WNT5A: variants seen among roughly 807,000 people sequenced by gnomAD.
The protein encoded by WNT5A is protein Wnt-5a.
Under a neutral mutation model 42.1 loss-of-function variants are expected in WNT5A, and 9 were observed. That is an observed-to-expected ratio of 0.21 (90% CI 0.13 to 0.37). The LOEUF (loss-of-function observed/expected upper bound fraction) is 0.37, where lower values mean the gene tolerates loss of function less well. WNT5A is among the 10% of genes least tolerant of loss of function. The probability of loss-of-function intolerance (pLI) is 1.00; values close to 1 mark genes in which losing one functional copy is unlikely to be tolerated. For missense variants in WNT5A, 426 were observed against 534.0 expected (o/e 0.80, Z 1.99); for synonymous variants, 210 against 210.0 (o/e 1.00, Z 0.00).
intron 4 of WNT5A, among the ~76,000 whole-genome samples, chr3:55,473,264 C>G (rs1039477485): frequency 2.0e-5 from 3 of 152,180 alleles, no homozygotes; most frequent in African/African-American, 7.2e-5. Flanking sequence ...GTCCAGTCCT[C>G]TACAGTTTAC....
intron 1 of WNT5A, among the ~76,000 whole-genome samples, chr3:55,486,096 C>G (rs1358298808): frequency 1.3e-5 from 2 of 152,168 alleles, no homozygotes; most frequent in African/African-American, 4.8e-5. Flanking sequence ...GTGTGTGATT[C>G]GGCTTTAACA....
At chr3:55,489,060 T>C (rs911795687), upstream of WNT5A, 1 of 152,000 alleles carries the variant, frequency 6.6e-6, no homozygotes, top group East Asian at 1.9e-4. Context: ...TGCCCTCAGG[T>C]GAGGAGATTG....
At chr3:55,485,421 G>T (rs1017098898) in intron 1 of WNT5A, among the ~76,000 whole-genome samples, 1 of 152,068 alleles carries the variant, frequency 6.6e-6, no homozygotes, top group African/African-American at 2.4e-5. Context: ...AGGGTCTTCC[G>T]TTGAGAGGGT....
chr3:55,493,798 A>C (rs1453098596), upstream of WNT5A: 4 of 152,248 alleles, frequency 2.6e-5, no homozygotes, highest in Non-Finnish European at 5.9e-5. Flanking sequence ...CTGGTTTCCC[A>C]TATGTGTCCC....
rs2051511323 is a variant in WNT5A, at chr3:55,483,580, A to G, written c.7-2662T>C. 6.6e-6 allele frequency among the ~76,000 whole-genome samples: 1 copy of G among 152,152 alleles called. No homozygotes were observed. Among genetic ancestry groups the G allele is most frequent in the Non-Finnish European group, 1.5e-5 (1 of 68,030 alleles). ...AAGAAGGGGCTAAATGTTTTCCAAC[A>G]CTTTCGGGGCTCAGGGAAGATGACT... On this transcript the variant is annotated intron_variant, in intron 1 of 4. Transcript: ENST00000264634. The surrounding 1 kb of genome is among the most constrained non-coding windows in gnomAD (Gnocchi z 4.2).
At chr3:55,486,951 A>C in intron 1 of WNT5A, 29 bp downstream of exon 1, 2 of 1,604,508 alleles carry the variant, frequency 1.2e-6, no homozygotes, top group South Asian at 2.2e-5. Context: ...GAAGTAAAGA[A>C]AAAAAGTGGC....
upstream of WNT5A, chr3:55,493,766 C>G (rs1044316696): frequency 6.6e-6 from 1 of 152,242 alleles, no homozygotes; most frequent in Non-Finnish European, 1.5e-5. Flanking sequence ...AAAAACAAAA[C>G]TATTTTTTAG....
upstream of WNT5A, among the ~76,000 whole-genome samples, chr3:55,491,731 A>G (rs1047110779): frequency 3.9e-5 from 6 of 152,230 alleles, no homozygotes; most frequent in Non-Finnish European, 7.3e-5. Context: ...TTTGTCAAGA[A>G]AGCCTGGAGG....
chr3:55,482,118 C>A (rs533096910), intron 1 of WNT5A, among the ~76,000 whole-genome samples: 2 of 152,304 alleles, frequency 1.3e-5, no homozygotes, highest in South Asian at 4.1e-4. Flanking sequence ...CGGGGCGAGG[C>A]CAGAGCCCTT....
chr3:55,496,709 C>A, the WNT5A span, among the ~76,000 whole-genome samples: 1 of 152,182 alleles, frequency 6.6e-6, no homozygotes, highest in Non-Finnish European at 1.5e-5. Flanking sequence ...GTTCAGCATG[C>A]ATGCTCCATT....
At position 55,479,424 on chromosome 3, in the gene WNT5A, C is replaced by T; in HGVS notation, c.281G>A (p.Gly94Glu). 1 of 1,614,026 alleles carries T rather than the reference C, an allele frequency of 6.2e-7. No individual in the cohort carries two copies. The highest frequency in any genetic ancestry group is 8.5e-7 in the Non-Finnish European group (1 of 1,179,890). ...TTTGATGCCTGTCTTCGCGCCTTCTCCGATGTACTGCATGTGGTCCTGATA... is the reference window on the plus strand; with the variant it reads ...TTTGATGCCTGTCTTCGCGCCTTCTTCGATGTACTGCATGTGGTCCTGATA... ...HLYQDHMQYIGEGAKTGIKEC... is the reference protein window; with the variant it reads ...HLYQDHMQYIEEGAKTGIKEC... The change falls in exon 3 of 5, where the codon GGA becomes GAA. Residue 94 changes from glycine (G) to glutamate (E), a missense_variant. Physicochemically the swap from Gly to Glu is moderately conservative, Grantham distance 98. Transcript: ENST00000264634.
rs1235599356 is a variant in WNT5A at position 55,465,980 on chromosome 3, T to C, written c.*4112A>G. The C allele has an allele frequency of 6.6e-6, 1 of 152,184 alleles. No homozygotes were observed. The highest frequency in any genetic ancestry group is 1.5e-5 in the Non-Finnish European group (1 of 68,032). The allele number at this position is 152,184 out of a possible 1,614,324, so 9.4% of individuals were successfully genotyped here. The stretch of plus-strand genomic sequence containing the variant: ...TTTAAAGTTAGCTAACAAGATGATG[T>C]TTCACTAAAATAAAATATCCAATCA... On this transcript the variant is annotated 3_prime_UTR_variant, in exon 5 of 5. Coordinates refer to ENST00000264634, the MANE Select transcript of WNT5A (RefSeq NM_003392.7).
In WNT5A at chr3:55,467,245, T is replaced by C. The variant is rs776454839; in HGVS notation, c.*2847A>G. 4.6e-5 allele frequency: 7 copies of C among 152,594 alleles called. No homozygotes were observed. The highest frequency in any genetic ancestry group is 2.1e-4 in the South Asian group (1 of 4,824). The allele number at this position is 152,594 out of a possible 1,614,324, so 9.5% of individuals were successfully genotyped here. A position where few individuals can be genotyped will look rare whatever the true frequency, so the allele number is the denominator to read the frequency against. ...CTGGTCACGGATAAAAGCATGTGCC[T>C]TTTCATTCTTCTCTGGGATGTTACA... On this transcript the variant is annotated 3_prime_UTR_variant, in exon 5 of 5. Coordinates refer to ENST00000264634, the MANE Select transcript of WNT5A (RefSeq NM_003392.7).
At chr3:55,496,507 T>C in the WNT5A span, among the ~76,000 whole-genome samples, 1 of 152,246 alleles carries the variant, frequency 6.6e-6, no homozygotes, top group African/African-American at 2.4e-5. Context: ...GGATTAAATT[T>C]ACCTATTCCG....
rs2106863544 is a variant in WNT5A, at chr3:55,465,818, A to G, written c.*4274T>C. 6.6e-6 allele frequency: 1 copy of G among 152,326 alleles called. No homozygotes were observed. Among genetic ancestry groups the G allele is most frequent in the South Asian group, 2.1e-4 (1 of 4,826 alleles). 9.4% of individuals were successfully genotyped at this position (152,326 alleles called of 1,614,324 possible). A position where few individuals can be genotyped will look rare whatever the true frequency, so the allele number is the denominator to read the frequency against. On this transcript the variant is annotated 3_prime_UTR_variant, in exon 5 of 5. Transcript: ENST00000264634. ...AGCAAATTGTACACTGCATATAAAA[A>G]TGGTCTAAGATGCAATTTTCCTCCA...
At chr3:55,491,066 C>T (rs1448862097), upstream of WNT5A, among the ~76,000 whole-genome samples, 1 of 152,170 alleles carries the variant, frequency 6.6e-6, no homozygotes, top group African/African-American at 2.4e-5. Context: ...ATGCCTGGCA[C>T]TTAGTAGGTG....
At chr3:55,504,500 G>A in the WNT5A span, among the ~76,000 whole-genome samples, 1 of 134,360 alleles carries the variant, frequency 7.4e-6, no homozygotes, top group African/African-American at 2.8e-5. Flanking sequence ...AAAAAAAATT[G>A]TTGCCCAAGC....
upstream of WNT5A, chr3:55,489,338 C>G (rs968369096): frequency 8.6e-5 from 13 of 150,692 alleles, no homozygotes; most frequent in African/African-American, 3.2e-4. Context: ...TCAATTTTCT[C>G]CGTCCATTGG....
chr3:55,488,474 G>A (rs2051616612), upstream of WNT5A, among the ~76,000 whole-genome samples: 1 of 150,164 alleles, frequency 6.7e-6, no homozygotes, highest in South Asian at 2.2e-4. Context: ...CAGAACTAGG[G>A]GCGGCTGGAA....
Sources: allele counts gnomAD v4.1 joint callset (sites outside exome capture counted in the v4.1 genomes callset), GRCh38; gene constraint gnomAD v4.1.1; non-coding constraint Gnocchi (gnomAD v3.1); transcripts MANE v1.5; gene names NCBI Gene and HGNC (gene_info 2026-07-23, HGNC 2026-07-21).